FAT2: variants seen among roughly 807,000 people sequenced by gnomAD.
The protein encoded by FAT2 is FAT atypical cadherin 2.
In FAT2, 150 loss-of-function variants were observed where a neutral mutation model predicts 295.3. The ratio of observed to expected loss-of-function variants is 0.51; its 90% CI spans 0.44 to 0.58. The LOEUF is 0.58. FAT2 is among the 20% of genes least tolerant of loss of function. The probability of loss-of-function intolerance (pLI) is 0.00; values close to 1 mark genes in which losing one functional copy is unlikely to be tolerated. For missense variants in FAT2, 4,868 were observed against 5,442.7 expected (o/e 0.89, Z 3.32); for synonymous variants, 2,026 against 2,150.3 (o/e 0.94, Z 1.60).
chr5:151,567,049 A>C lies in FAT2; in HGVS notation c.1883T>G (p.Leu628Arg). The C allele has an allele frequency of 6.2e-7, 1 of 1,614,156 alleles. No homozygotes were observed. Among genetic ancestry groups the C allele is most frequent in the Non-Finnish European group, 8.5e-7 (1 of 1,180,016 alleles). ...ATAACTGGTGGGTTGACCAGCAGTA[A>C]GATTGATAAAAGGGCGTTTGAGGGA... ...VISLKRPFINLTAGQPTSYSL... is the reference protein window; with the variant it reads ...VISLKRPFINRTAGQPTSYSL... The change falls in exon 2 of 24, where the codon CTT (leucine) becomes CGT (arginine). Residue 628 changes from leucine to arginine, a missense_variant. Around this residue, in one of 5 missense-constraint regions of FAT2, gnomAD observed 3,297 missense variants for 3,669.4 expected, o/e 0.90. Transcript: ENST00000261800.
In FAT2 at chr5:151,567,487, G is replaced by C; in HGVS notation, c.1445C>G (p.Ala482Gly). The C allele has an allele frequency of 1.2e-6, 2 of 1,614,142 alleles. No individual in the cohort carries two copies. Among genetic ancestry groups the C allele is most frequent in the South Asian group, 2.2e-5 (2 of 91,066 alleles). The part of the protein sequence containing the change: ...PPGTSVLAVT[A>G]TDRDHGENGY... ...ATTTTCCCCATGATCCCGGTCAGTG[G>C]CAGTCACAGCCAAAACACTGGTGCC... is the stretch of plus-strand genomic sequence containing the variant. The change falls in exon 2 of 24, where the codon GCC becomes GGC. Residue 482 changes from alanine to glycine, a missense_variant. Coordinates refer to ENST00000261800, the MANE Select transcript of FAT2 (RefSeq NM_001447.3).
At chr5:151,565,649 C>T (rs1258147166) in intron 2 of FAT2, 24 bp downstream of exon 2, 20 of 1,143,786 alleles carry the variant, frequency 1.7e-5, no homozygotes, top group East Asian at 5.6e-5. Flanking sequence ...GCCCTGGCAC[C>T]CCACCCTACC....
At chr5:151,565,489 A>G (rs1057295452) in intron 2 of FAT2, among the ~76,000 whole-genome samples, 184 bp downstream of exon 2, 1 of 152,150 alleles carries the variant, frequency 6.6e-6, no homozygotes, top group African/African-American at 2.4e-5. Context: ...GCACATATAT[A>G]GACATATATT....
At chr5:151,520,668 A>G (rs367945420) in intron 19 of FAT2, among the ~76,000 whole-genome samples, 3 of 152,188 alleles carry the variant, frequency 2.0e-5, no homozygotes, top group Non-Finnish European at 4.4e-5. Flanking sequence ...TATTTTGACT[A>G]TTTTATAGAT....
At chr5:151,593,604 C>T (rs550005538), upstream of FAT2, among the ~76,000 whole-genome samples, 6 of 152,296 alleles carry the variant, frequency 3.9e-5, no homozygotes, top group Admixed American at 3.9e-4. Context: ...CTAAAATTCT[C>T]TCTCTTCCTG....
intron 7 of FAT2, 105 bp downstream of exon 7, chr5:151,551,362 T>A (rs1757193321): frequency 8.3e-7 from 1 of 1,198,240 alleles, no homozygotes; most frequent in Non-Finnish European, 1.2e-6. Context: ...AATTCAGTGT[T>A]CCTTGAGGAA....
At chr5:151,560,477 C>T (rs1004796459) in intron 3 of FAT2, among the ~76,000 whole-genome samples, 1 of 152,146 alleles carries the variant, frequency 6.6e-6, no homozygotes, top group Admixed American at 6.5e-5. Context: ...GCACCTGTGT[C>T]GTCACCCTCG....
At chr5:151,537,439 A>AGAGGG (rs138227987) in intron 12 of FAT2, among the ~76,000 whole-genome samples, 1 of 146,954 alleles carries the variant, frequency 6.8e-6, no homozygotes, top group Non-Finnish European at 1.5e-5. Context: ...AGAGGAAAGG[A>AGAGGG]GAGGGGAGGG....
chr5:151,527,655 G>A (rs1261458734), intron 16 of FAT2, among the ~76,000 whole-genome samples: 1 of 152,134 alleles, frequency 6.6e-6, no homozygotes, highest in Non-Finnish European at 1.5e-5. Context: ...TTATTTTGAG[G>A]ATCAAATGGC....
chr5:151,565,591 C>T, intron 2 of FAT2, 82 bp downstream of exon 2: 1 of 1,398,044 alleles, frequency 7.2e-7, no homozygotes, highest in Non-Finnish European at 9.5e-7. Flanking sequence ...CTCCTTTTTC[C>T]TTCAGCCCGC....
chr5:151,576,586 A>G (rs1399223895), intron 1 of FAT2, among the ~76,000 whole-genome samples: 1 of 152,238 alleles, frequency 6.6e-6, no homozygotes, highest in African/African-American at 2.4e-5. Context: ...CGAAAGAAAG[A>G]AAAACTTTTA....
chr5:151,527,672 C>T (rs1000518872), intron 16 of FAT2, among the ~76,000 whole-genome samples: 1 of 152,136 alleles, frequency 6.6e-6, no homozygotes. Flanking sequence ...TGGCATAAAT[C>T]CTTATAAAAC....
Position 151,566,996 on chromosome 5 carries a change from T to G in FAT2, c.1936A>C (p.Lys646Gln), listed in dbSNP as rs1205000620. 6.2e-7 allele frequency: 1 copy of G among 1,614,198 alleles called. No individual in the cohort carries two copies. The highest frequency in any genetic ancestry group is 8.5e-7 in the Non-Finnish European group (1 of 1,180,032). The change falls in exon 2 of 24, where the codon AAA becomes CAA. Residue 646 changes from lysine (K) to glutamine (Q), a missense_variant. Physicochemically the swap from Lys to Gln is moderately conservative, Grantham distance 53 (BLOSUM62 1). Transcript: ENST00000261800. ...AAAGTTGTGGGTGAGGCATAGTTTT[T>G]GCCATCTGAGGCTGTAATCTTCAGG... is the stretch of plus-strand genomic sequence containing the variant. ...YSLKITASDG[K>Q]NYASPTTLNI...
Position 151,521,382 on chromosome 5 carries a change from G to A in FAT2, c.11211C>T (p.Cys3737=), listed in dbSNP as rs2127579326. The A allele has an allele frequency of 6.2e-7, 1 of 1,614,214 alleles. No individual in the cohort carries two copies. Among genetic ancestry groups the A allele is most frequent in the Non-Finnish European group, 8.5e-7 (1 of 1,180,036 alleles). The change falls in exon 19 of 24, where the codon TGC becomes TGT. Residue 3737 remains cysteine, a synonymous_variant. Coordinates refer to ENST00000261800, the MANE Select transcript of FAT2 (RefSeq NM_001447.3). ...CQGPTCQGQI[C]HNTVHLDPKV... is the part of the protein sequence containing the mutation. Reference sequence around the variant, plus strand: ...TGGGGTCCAGATGCACTGTGTTATGGCAGATTTGACCCTGGCAGGTTGGCC... The same window carrying A: ...TGGGGTCCAGATGCACTGTGTTATGACAGATTTGACCCTGGCAGGTTGGCC...
chr5:151,550,734 G>T lies in FAT2; in HGVS notation c.4434C>A (p.Gly1478=), dbSNP rs369355712. The T allele has an allele frequency of 2.5e-6, 4 of 1,614,138 alleles. No individual in the cohort carries two copies. Among genetic ancestry groups the T allele is most frequent in the Non-Finnish European group, 3.4e-6 (4 of 1,180,028 alleles). ...LRVQAIDQDK[G]KSLIYTIHGS... ...CATGTATGGTATAGATGAGGCTTTTGCCCTTGTCTTGATCTATGGCCTGGA... is the reference window on the plus strand; with the variant it reads ...CATGTATGGTATAGATGAGGCTTTTTCCCTTGTCTTGATCTATGGCCTGGA... The change falls in exon 8 of 24, where the codon GGC becomes GGA. Residue 1478 remains glycine, a synonymous_variant. Transcript: ENST00000261800.
chr5:151,572,993 A>C (rs1485304726), intron 1 of FAT2, among the ~76,000 whole-genome samples: 1 of 152,274 alleles, frequency 6.6e-6, no homozygotes, highest in African/African-American at 2.4e-5. Flanking sequence ...ATGCATACTC[A>C]GTAGTCAATT....
chr5:151,591,005 A>G (rs1252718352), intron 1 of FAT2, among the ~76,000 whole-genome samples, 160 bp downstream of exon 1: 1 of 152,122 alleles, frequency 6.6e-6, no homozygotes. Context: ...CCAGGCCCAG[A>G]TGTCCCTGTC....
intron 1 of FAT2, among the ~76,000 whole-genome samples, chr5:151,571,683 T>C (rs1181604295): frequency 6.6e-6 from 1 of 152,212 alleles, no homozygotes; most frequent in Non-Finnish European, 1.5e-5. Context: ...GCACAGCTGT[T>C]TCCTGGCCCC....
chr5:151,589,702 C>G (rs1759322492), intron 1 of FAT2, among the ~76,000 whole-genome samples: 1 of 152,038 alleles, frequency 6.6e-6, no homozygotes, highest in South Asian at 2.1e-4. Context: ...TCAAGACCAA[C>G]CTGAGCAACA....
Sources: allele counts gnomAD v4.1 joint callset (sites outside exome capture counted in the v4.1 genomes callset), GRCh38; gene constraint gnomAD v4.1.1; regional missense constraint gnomAD v4.1.1; transcripts MANE v1.5; gene names NCBI Gene and HGNC (gene_info 2026-07-23, HGNC 2026-07-21).